Variants in CHGA observed in about 807,000 individuals in gnomAD.
The protein encoded by CHGA is chromogranin-A.
CHGA carries 41 observed loss-of-function variants against 54.4 expected under a neutral mutation model. The ratio of observed to expected loss-of-function variants is 0.75; its 90% CI spans 0.59 to 0.98. The LOEUF (loss-of-function observed/expected upper bound fraction) is 0.98. CHGA is among the 50% of genes least tolerant of loss of function. The probability of loss-of-function intolerance (pLI) is 0.00; values close to 1 mark genes in which losing one functional copy is unlikely to be tolerated. For missense variants in CHGA, 576 were observed against 582.3 expected, an observed-to-expected ratio of 0.99 and a Z score of 0.11; for synonymous variants, 249 against 232.8, an observed-to-expected ratio of 1.07 and a Z score of -0.63.
rs142980634 is a variant in CHGA, at chr14:92,935,037, C to T, written c.*153C>T. The T allele has an allele frequency of 9.0e-5, 53 of 591,724 alleles. No homozygotes were observed. The highest frequency in any genetic ancestry group is 7.1e-4 in the African/African-American group (37 of 51,816). 36.7% of individuals were successfully genotyped at this position (591,724 alleles called of 1,614,324 possible). ...CCAGGCCACCCTATCGCCCCCTACG[C>T]GCCTTGTCTCCTACTCCTGACTCCT... On this transcript the variant is annotated 3_prime_UTR_variant, in exon 8 of 8. Transcript: ENST00000216492.
At chr14:92,923,694 C>T (rs796251285) in intron 1 of CHGA, among the ~76,000 whole-genome samples, 32 of 152,298 alleles carry the variant, frequency 2.1e-4, no homozygotes, top group African/African-American at 7.2e-4. Context: ...GTGCCGGTTG[C>T]GCGGTGGCCG....
At chr14:92,929,511 G>T (rs893343517) in intron 4 of CHGA, among the ~76,000 whole-genome samples, 2 of 152,242 alleles carry the variant, frequency 1.3e-5, no homozygotes, top group African/African-American at 2.4e-5. Flanking sequence ...GCGAGGCAGG[G>T]TGGCTGCCTG....
intron 7 of CHGA, among the ~76,000 whole-genome samples, chr14:92,934,146 C>CT (rs1169736044): frequency 6.6e-6 from 1 of 152,242 alleles, no homozygotes; most frequent in Non-Finnish European, 1.5e-5. Context: ...CGCTCCTGCT[C>CT]TAAGTCTTGA....
chr14:92,925,331 G>T (rs1310240996), intron 2 of CHGA, among the ~76,000 whole-genome samples: 1 of 152,114 alleles, frequency 6.6e-6, no homozygotes, highest in Non-Finnish European at 1.5e-5. Flanking sequence ...TCTCGAACAG[G>T]TGGTTATCTG....
chr14:92,930,320 C>A (rs183884081), intron 5 of CHGA, among the ~76,000 whole-genome samples: 2 of 152,222 alleles, frequency 1.3e-5, no homozygotes, highest in African/African-American at 4.8e-5. Flanking sequence ...TAGGTCAGTG[C>A]GACACTCTGA....
chr14:92,923,456 A>G (rs965053046), intron 1 of CHGA, 51 bp downstream of exon 1: 75 of 1,236,116 alleles, frequency 6.1e-5, no homozygotes, highest in Non-Finnish European at 7.2e-5. Context: ...GCCCCTGCCC[A>G]CCTTGAGGTC....
At chr14:92,928,478 T>C (rs1455563878) in intron 4 of CHGA, among the ~76,000 whole-genome samples, 5 of 152,326 alleles carry the variant, frequency 3.3e-5, no homozygotes, top group South Asian at 2.1e-4. Context: ...CACCTCCTAC[T>C]GTTGTTGGAG....
intron 7 of CHGA, chr14:92,933,323 G>T (rs1887052588): frequency 6.4e-6 from 1 of 155,816 alleles, no homozygotes. Context: ...TGGAAGACCT[G>T]GGCTCTGCCT....
Position 92,934,803 on chromosome 14 carries a change from C to T in CHGA, c.1293C>T (p.Asp431=). The T allele has an allele frequency of 6.3e-7, 1 of 1,580,324 alleles. No individual in the cohort carries two copies. Among genetic ancestry groups the T allele is most frequent in the Non-Finnish European group, 8.6e-7 (1 of 1,164,246 alleles). ...GTGAACCCCAATGTCTCTCCTAGGA[C>T]CAGGAGCTGGAGAGCCTGTCGGCCA... ...EEGSANRRPE[D]QELESLSAIE... Residue 431 remains aspartate (D), a splice_region_variant and synonymous_variant, in exon 8 of 8, where the codon GAC becomes GAT. Coordinates refer to ENST00000216492, the MANE Select transcript of CHGA (RefSeq NM_001275.4).
chr14:92,932,940 G>T lies in CHGA; in HGVS notation c.1290+89G>T, dbSNP rs868072490. The T allele has an allele frequency of 2.1e-6, 3 of 1,435,590 alleles. No individual in the cohort carries two copies. Among genetic ancestry groups the T allele is most frequent in the Middle Eastern group, 2.6e-4 (1 of 3,888 alleles). 88.9% of individuals were successfully genotyped at this position (1,435,590 alleles called of 1,614,324 possible). A position where few individuals can be genotyped will look rare whatever the true frequency, so the allele number is the denominator to read the frequency against. On this transcript the variant is annotated intron_variant, in intron 7 of 7. Coordinates refer to ENST00000216492, the MANE Select transcript of CHGA (RefSeq NM_001275.4). The surrounding 1 kb of genome is among the most constrained non-coding windows in gnomAD (Gnocchi z 5.3). Reference sequence around the variant, plus strand: ...AGACACACTGCCCCTGCCCCACTGAGGGGACAGGGCCCCCCCGCCGAAGTC... The same window carrying T: ...AGACACACTGCCCCTGCCCCACTGATGGGACAGGGCCCCCCCGCCGAAGTC...
At position 92,931,524 on chromosome 14, in the gene CHGA, G is replaced by A. The variant is rs1169442667; in HGVS notation, c.630G>A (p.Leu210=). The A allele has an allele frequency of 6.2e-7, 1 of 1,612,816 alleles. No individual in the cohort carries two copies. The highest frequency in any genetic ancestry group is 2.2e-5 in the East Asian group (1 of 44,870). Residue 210 remains leucine, a synonymous_variant, in exon 6 of 8, where the codon CTG becomes CTA. Coordinates refer to ENST00000216492, the MANE Select transcript of CHGA (RefSeq NM_001275.4). ...EGDSEGLSQG[L]VDREKGLSAE... ...ACAGTGAGGGCCTCTCTCAGGGTCT[G>A]GTGGACAGAGAGAAGGGCCTGAGTG...
intron 2 of CHGA, among the ~76,000 whole-genome samples, chr14:92,925,700 C>T (rs1379565370): frequency 6.6e-6 from 1 of 152,142 alleles, no homozygotes; most frequent in African/African-American, 2.4e-5. Flanking sequence ...AGTTGTGAAC[C>T]CCTCCCTGGG....
chr14:92,924,317 G>A (rs1010959500), intron 2 of CHGA, 72 bp downstream of exon 2: 3 of 1,475,584 alleles, frequency 2.0e-6, no homozygotes, highest in East Asian at 2.4e-5. Context: ...TTGGGCAGCT[G>A]CAGGAGTAAG....
Position 92,923,223 on chromosome 14 carries a change from C to A in CHGA, c.-137C>A, listed in dbSNP as rs1331662416. On this transcript the variant is annotated 5_prime_UTR_variant, in exon 1 of 8. Transcript: ENST00000216492. The stretch of plus-strand genomic sequence containing the variant: ...GCGGGAGGATCGACCGACAGACGGA[C>A]GCACGCCGAGGCACTGCGCCCCCAG... The A allele has an allele frequency of 4.3e-6, 3 of 689,716 alleles. No homozygotes were observed. The highest frequency in any genetic ancestry group is 6.0e-6 in the Non-Finnish European group (3 of 502,366). 42.7% of individuals were successfully genotyped at this position (689,716 alleles called of 1,614,324 possible). A position where few individuals can be genotyped will look rare whatever the true frequency, so the allele number is the denominator to read the frequency against.
chr14:92,926,641 C>A lies in CHGA; in HGVS notation c.130C>A (p.Leu44Ile), dbSNP rs144321854. ...CATCGTTGAGGTCATCTCCGACACACTTTCCAAGCCCAGCCCCATGCCTGT... is the reference window on the plus strand; with the variant it reads ...CATCGTTGAGGTCATCTCCGACACAATTTCCAAGCCCAGCCCCATGCCTGT... ...KCIVEVISDT[L>I]SKPSPMPVSQ... Residue 44 changes from leucine to isoleucine, a missense_variant, in exon 3 of 8, where the codon CTT becomes ATT. Leu to Ile is a conservative substitution (Grantham distance 5). Transcript: ENST00000216492. 222 of 1,614,028 alleles carry A rather than the reference C, an allele frequency of 1.4e-4. No homozygotes were observed. The African/African-American group carries it at 2.8e-3, about 20-fold the overall frequency.
In CHGA at chr14:92,931,500, C is replaced by G; in HGVS notation, c.606C>G (p.Asp202Glu). The stretch of plus-strand genomic sequence containing the variant: ...ACCCAGGCCCACAGGCCGAGGGGGA[C>G]AGTGAGGGCCTCTCTCAGGGTCTGG... ...QKYPGPQAEG[D>E]SEGLSQGLVD... The change falls in exon 6 of 8, where the codon GAC (aspartate) becomes GAG (glutamate). Residue 202 changes from aspartate (D) to glutamate (E), a missense_variant. Transcript: ENST00000216492. 2 of 1,612,448 alleles carry G rather than the reference C, an allele frequency of 1.2e-6. No homozygotes were observed. The highest frequency in any genetic ancestry group is 1.7e-6 in the Non-Finnish European group (2 of 1,179,630).
chr14:92,924,362 C>T lies in CHGA; in HGVS notation c.93+117C>T. 5 of 989,998 alleles carry T rather than the reference C, an allele frequency of 5.1e-6. No homozygotes were observed. In the South Asian group the frequency reaches 6.6e-5, roughly 13 times the overall value. The allele number at this position is 989,998 out of a possible 1,614,324, so 61.3% of individuals were successfully genotyped here. A position where few individuals can be genotyped will look rare whatever the true frequency, so the allele number is the denominator to read the frequency against. On this transcript the variant is annotated intron_variant, in intron 2 of 7. Coordinates refer to ENST00000216492, the MANE Select transcript of CHGA (RefSeq NM_001275.4). ...AAGCCAAGAGCCAGCACTGCGGCTG[C>T]TGAGCCTGGGGACAGCTTGCAAAAG...
At chr14:92,927,106 C>A (rs953445795) in intron 3 of CHGA, among the ~76,000 whole-genome samples, 1 of 152,208 alleles carries the variant, frequency 6.6e-6, no homozygotes, top group African/African-American at 2.4e-5. Context: ...AGGACGAAAT[C>A]TTTCCAGGCA....
intron 3 of CHGA, among the ~76,000 whole-genome samples, chr14:92,927,256 A>C (rs1010248704): frequency 1.3e-5 from 2 of 152,222 alleles, no homozygotes; most frequent in Non-Finnish European, 2.9e-5. Context: ...ACAGGCATGG[A>C]GATGGGAACC....
Sources: allele counts gnomAD v4.1 joint callset (sites outside exome capture counted in the v4.1 genomes callset), GRCh38; gene constraint gnomAD v4.1.1; non-coding constraint Gnocchi (gnomAD v3.1); transcripts MANE v1.5; gene names NCBI Gene and HGNC (gene_info 2026-07-23, HGNC 2026-07-21).